The following TMEM43 variants were observed in gnomAD, a reference collection of about 807,000 sequenced individuals.
TMEM43 encodes transmembrane protein 43.
TMEM43 carries 45 observed loss-of-function variants against 49.6 expected under a neutral mutation model. That is an observed-to-expected ratio of 0.91 (90% confidence interval 0.71 to 1.16). The LOEUF is 1.16. Among genes scored for constraint, TMEM43 ranks in the 50% most tolerant of loss-of-function variants. The pLI, the probability that TMEM43 is intolerant of heterozygous loss-of-function variation, is 0.00. For synonymous variants in TMEM43, 199 were observed against 207.8 expected (o/e 0.96, Z 0.36); for missense variants, 532 against 516.6 (o/e 1.03, Z -0.29).
Position 14,135,723 on chromosome 3 carries a change from A to C in TMEM43, c.781-84A>C, listed in dbSNP as rs1008960402. Reference sequence around the variant, plus strand: ...GTGCTCACTTCCCCAGCCGGCACCCAGTCCCGGGAGGGTGGGCCATGGCTC... The same window carrying C: ...GTGCTCACTTCCCCAGCCGGCACCCCGTCCCGGGAGGGTGGGCCATGGCTC... On this transcript the variant is annotated intron_variant, in intron 9 of 11. Coordinates refer to ENST00000306077, the MANE Select transcript of TMEM43 (RefSeq NM_024334.3). 2.5e-6 allele frequency: 3 copies of C among 1,188,588 alleles called. No homozygotes were observed. In the South Asian group the frequency reaches 3.7e-5, roughly 15 times the overall value. The allele number at this position is 1,188,588 out of a possible 1,614,324, so 73.6% of individuals were successfully genotyped here.
rs1326282285 is a variant in TMEM43, at chr3:14,142,185, T to C, written c.*390T>C. 3.4e-6 allele frequency: 1 copy of C among 291,422 alleles called. No homozygotes were observed. Among genetic ancestry groups the C allele is most frequent in the Non-Finnish European group, 6.7e-6 (1 of 148,538 alleles). The allele number at this position is 291,422 out of a possible 1,614,324, so 18.1% of individuals were successfully genotyped here. A position where few individuals can be genotyped will look rare whatever the true frequency, so the allele number is the denominator to read the frequency against. On this transcript the variant is annotated 3_prime_UTR_variant, in exon 12 of 12. Transcript: ENST00000306077. ...CAGCCTTGCCGTGTGCTGCTTCTCA[T>C]CACTGCACACAAGTGCCATGCTTTG...
At position 14,134,825 on chromosome 3, in the gene TMEM43, C is replaced by A; in HGVS notation, c.639C>A (p.Asp213Glu). Residue 213 changes from aspartate (D) to glutamate (E), a missense_variant, in exon 8 of 12, where the codon GAC (aspartate) becomes GAA (glutamate). Coordinates refer to ENST00000306077, the MANE Select transcript of TMEM43 (RefSeq NM_024334.3). The part of the protein sequence containing the change: ...FKSLSLSKLE[D>E]PHVDIIRRGD... Reference sequence around the variant, plus strand: ...CCCTGAGCCTATCCAAGCTGGAGGACCCTCATGTGGACATCATTCGCCGTG... The same window carrying A: ...CCCTGAGCCTATCCAAGCTGGAGGAACCTCATGTGGACATCATTCGCCGTG... The A allele has an allele frequency of 1.2e-6, 2 of 1,614,164 alleles. No individual in the cohort carries two copies. Among genetic ancestry groups the A allele is most frequent in the South Asian group, 2.2e-5 (2 of 91,090 alleles).
At chr3:14,127,246 G>C (rs1400203864) in intron 1 of TMEM43, among the ~76,000 whole-genome samples, 1 of 152,088 alleles carries the variant, frequency 6.6e-6, no homozygotes, top group Non-Finnish European at 1.5e-5. Flanking sequence ...TGGGAATTTT[G>C]GTTCAGAATG....
At chr3:14,128,772 A>C (rs914610616) in intron 1 of TMEM43, 1 of 279,962 alleles carries the variant, frequency 3.6e-6, no homozygotes, top group South Asian at 3.1e-5. Context: ...TTGTACTCCT[A>C]GGTATATTCC....
intron 1 of TMEM43, among the ~76,000 whole-genome samples, chr3:14,128,450 C>T (rs1222186946): frequency 6.6e-6 from 1 of 152,174 alleles, no homozygotes; most frequent in Non-Finnish European, 1.5e-5. Context: ...GATGCTCTTC[C>T]CCTAAGATCT....
chr3:14,131,552 T>G lies in TMEM43; in HGVS notation c.298-28T>G, dbSNP rs779625905. On this transcript the variant is annotated intron_variant, in intron 3 of 11. Transcript: ENST00000306077. ...GCTGACGTGAATGTTATCCTTTATT[T>G]TTTTGGTTTCTTTGATTCTGTTTGA... 3 of 1,600,856 alleles carry G rather than the reference T, an allele frequency of 1.9e-6. No individual in the cohort carries two copies. In the South Asian group the frequency reaches 3.3e-5, roughly 18 times the overall value.
Position 14,130,950 on chromosome 3 carries a change from A to C in TMEM43, c.291A>C (p.Thr97=). The C allele has an allele frequency of 6.2e-7, 1 of 1,610,236 alleles. No homozygotes were observed. The highest frequency in any genetic ancestry group is 1.1e-5 in the South Asian group (1 of 90,926). ...TGCACATCATTGGCGCCTTACGGAC[A>C]TCCAAGGTAGGTTTGGCAGGGGATG... The part of the protein sequence containing the change: ...RLVHIIGALR[T]SKLLSDPNYG... Residue 97 remains threonine (T), a synonymous_variant, in exon 3 of 12, where the codon ACA becomes ACC. Coordinates refer to ENST00000306077, the MANE Select transcript of TMEM43 (RefSeq NM_024334.3).
intron 8 of TMEM43, 34 bp downstream of exon 8, chr3:14,134,925 G>A (rs777949977): frequency 2.5e-6 from 4 of 1,613,586 alleles, no homozygotes; most frequent in African/African-American, 2.7e-5. Flanking sequence ...CCAAATAGGA[G>A]GGTCAGGGCG....
intron 10 of TMEM43, 21 bp downstream of exon 10, chr3:14,135,929 G>T (rs776056742): frequency 6.3e-7 from 1 of 1,591,448 alleles, no homozygotes. Context: ...TGCCCTACTC[G>T]TACGGTGGAG....
rs549809535 is a variant in TMEM43, at chr3:14,135,199, C to T, written c.747C>T (p.Ser249=). The T allele has an allele frequency of 8.1e-6, 13 of 1,612,436 alleles. No individual in the cohort carries two copies. Among genetic ancestry groups the T allele is most frequent in the African/African-American group, 6.7e-5 (5 of 74,918 alleles). ...LRVSFSYAGL[S]GDDPDLGPAH... ...TCTCCTTTTCCTATGCTGGACTGAG[C>T]GGCGATGACCCTGACCTGGGCCCAG... Residue 249 remains serine (S), a synonymous_variant, in exon 9 of 12, where the codon AGC becomes AGT. Coordinates refer to ENST00000306077, the MANE Select transcript of TMEM43 (RefSeq NM_024334.3).
chr3:14,135,824 G>A lies in TMEM43; in HGVS notation c.798G>A (p.Arg266=), dbSNP rs139078900. Residue 266 remains arginine (R), a synonymous_variant, in exon 10 of 12, where the codon CGG becomes CGA. Transcript: ENST00000306077. ...GPAHVVTVIA[R]QRGDQLVPFS... is the part of the protein sequence containing the mutation. ...CTGACCAGGTCACTGTGATTGCCCG[G>A]CAGCGGGGTGACCAGCTAGTCCCAT... The A allele has an allele frequency of 1.0e-4, 168 of 1,613,400 alleles. No individual in the cohort carries two copies. Among genetic ancestry groups the A allele is most frequent in the Non-Finnish European group, 1.3e-4 (158 of 1,180,042 alleles).
chr3:14,140,934 C>T (rs757194930), intron 11 of TMEM43, among the ~76,000 whole-genome samples: 28 of 152,248 alleles, frequency 1.8e-4, no homozygotes, highest in South Asian at 4.1e-4. Flanking sequence ...GGGAACTGAG[C>T]GAAGATTCCC....
chr3:14,141,498 A>G, intron 11 of TMEM43, 95 bp from the exon 12 acceptor site: 1 of 1,208,628 alleles, frequency 8.3e-7, no homozygotes, highest in Non-Finnish European at 1.2e-6. Context: ...TGCATGTAGC[A>G]ACATGGGCCC....
intron 7 of TMEM43, 121 bp from the exon 8 acceptor site, chr3:14,134,649 C>T (rs1168123352): frequency 1.5e-6 from 2 of 1,310,998 alleles, no homozygotes; most frequent in Non-Finnish European, 2.2e-6. Context: ...AGAGGCACTG[C>T]AGGTGGGAGT....
intron 1 of TMEM43, 88 bp downstream of exon 1, chr3:14,125,293 G>C: frequency 6.7e-7 from 1 of 1,488,906 alleles, no homozygotes; most frequent in Non-Finnish European, 9.1e-7. Context: ...CCATTTCGCC[G>C]CCTGGAGCTC....
intron 7 of TMEM43, 33 bp downstream of exon 7, chr3:14,133,842 C>T: frequency 6.2e-7 from 1 of 1,602,622 alleles, no homozygotes; most frequent in Non-Finnish European, 8.5e-7. Context: ...GGAGCTCGTG[C>T]CAGAAGCACA....
Position 14,141,846 on chromosome 3 carries a change from C to A in TMEM43, c.*51C>A. On this transcript the variant is annotated 3_prime_UTR_variant, in exon 12 of 12. Coordinates refer to ENST00000306077, the MANE Select transcript of TMEM43 (RefSeq NM_024334.3). ...CTGCGTGAGCCCTAGGATCCAGGTC[C>A]TCTCTCACCTCTGACCCAGCTCCAT... 1 of 1,547,468 alleles carries A rather than the reference C, an allele frequency of 6.5e-7. No homozygotes were observed. The highest frequency in any genetic ancestry group is 8.7e-7 in the Non-Finnish European group (1 of 1,142,970).
intron 3 of TMEM43, 35 bp from the exon 4 acceptor site, chr3:14,131,545 C>T: frequency 6.3e-7 from 1 of 1,585,180 alleles, no homozygotes; most frequent in African/African-American, 1.3e-5. Flanking sequence ...GAATGTTATC[C>T]TTTATTTTTT....
intron 5 of TMEM43, 55 bp downstream of exon 5, chr3:14,132,650 G>A (rs1695113090): frequency 1.9e-6 from 3 of 1,596,672 alleles, no homozygotes; most frequent in East Asian, 4.5e-5. Flanking sequence ...CCACAGTGGT[G>A]GCTGGACAGC....
Sources: allele counts gnomAD v4.1 joint callset (sites outside exome capture counted in the v4.1 genomes callset), GRCh38; gene constraint gnomAD v4.1.1; transcripts MANE v1.5; gene names NCBI Gene and HGNC (gene_info 2026-07-23, HGNC 2026-07-21).